The following CELA2B variants were observed in gnomAD, a reference collection of about 807,000 sequenced individuals.
CELA2B encodes the protein chymotrypsin like elastase 2B, also known as chymotrypsin-like elastase family member 2B.
In CELA2B, 27 loss-of-function variants were observed where a neutral mutation model predicts 36.5. That is an observed-to-expected ratio of 0.74 (90% CI 0.55 to 1.02). The LOEUF is 1.02. Among genes scored for constraint, CELA2B ranks in the 50% least tolerant of loss-of-function variants. The probability of loss-of-function intolerance (pLI) is 0.00; values close to 1 mark genes in which losing one functional copy is unlikely to be tolerated. For synonymous variants in CELA2B, 143 were observed against 148.5 expected (o/e 0.96, Z 0.27); for missense variants, 340 against 347.8 (o/e 0.98, Z 0.18).
chr1:15,478,471 G>C (rs575617969), intron 2 of CELA2B, among the ~76,000 whole-genome samples: 1 of 151,756 alleles, frequency 6.6e-6, no homozygotes, highest in Non-Finnish European at 1.5e-5. Context: ...TCTAACTCCC[G>C]ACCTCAGGTA....
At chr1:15,486,152 G>A in intron 6 of CELA2B, 106 bp downstream of exon 6, 4 of 1,409,720 alleles carry the variant, frequency 2.8e-6, no homozygotes, top group Non-Finnish European at 3.9e-6. Flanking sequence ...CGACCTCCTG[G>A]CAGAAGCACC....
chr1:15,483,232 T>G lies in CELA2B; in HGVS notation c.357-32T>G, dbSNP rs575781422. ...CCCATAGGGCAGGAAAAGTCAACCCTGTTCTCATGCTCCGCCTCCGCACTC... is the reference window on the plus strand; with the variant it reads ...CCCATAGGGCAGGAAAAGTCAACCCGGTTCTCATGCTCCGCCTCCGCACTC... On this transcript the variant is annotated intron_variant, in intron 4 of 7. Transcript: ENST00000375910. 7.1e-5 allele frequency: 114 copies of G among 1,612,584 alleles called. 1 individual carries two copies. In the South Asian group the frequency reaches 1.2e-3, roughly 17 times the overall value.
intron 2 of CELA2B, 126 bp from the exon 3 acceptor site, chr1:15,480,972 A>T: frequency 1.1e-6 from 1 of 938,944 alleles, no homozygotes; most frequent in Non-Finnish European, 1.7e-6. Flanking sequence ...GTGCCCCCTT[A>T]AGTTGTGTAC....
intron 1 of CELA2B, 129 bp downstream of exon 1, chr1:15,476,294 GA>G: frequency 6.9e-7 from 1 of 1,443,322 alleles, no homozygotes; most frequent in Non-Finnish European, 9.5e-7. Flanking sequence ...TAAGAAAACC[GA>G]AATGGAGTTT....
In CELA2B at chr1:15,486,015, C is replaced by A. The variant is rs200907848; in HGVS notation, c.608C>A (p.Ala203Asp). The A allele has an allele frequency of 1.9e-6, 3 of 1,613,974 alleles. No homozygotes were observed. Among genetic ancestry groups the A allele is most frequent in the African/African-American group, 1.3e-5 (1 of 74,906 alleles). ...GSTVKTNMIC[A>D]GGDGVICTCN... ...ACCGTGAAGACGAATATGATCTGTG[C>A]TGGGGGTGATGGCGTGATATGCACC... The change falls in exon 6 of 8, where the codon GCT becomes GAT. Residue 203 changes from alanine (A) to aspartate (D), a missense_variant. Physicochemically the swap from Ala to Asp is moderately radical, Grantham distance 126. Coordinates refer to ENST00000375910, the MANE Select transcript of CELA2B (RefSeq NM_015849.3).
intron 6 of CELA2B, 129 bp downstream of exon 6, chr1:15,486,175 C>T: frequency 1.7e-6 from 2 of 1,189,926 alleles, no homozygotes; most frequent in Non-Finnish European, 2.4e-6. Context: ...GAAATGGTAC[C>T]AGATATATCA....
chr1:15,487,149 T>G, intron 6 of CELA2B, 136 bp from the exon 7 acceptor site: 3 of 774,154 alleles, frequency 3.9e-6, no homozygotes, highest in Non-Finnish European at 6.5e-6. Context: ...TGGTACCACC[T>G]TGAGCTATGA....
intron 2 of CELA2B, among the ~76,000 whole-genome samples, chr1:15,480,556 C>T (rs558808798): frequency 1.4e-4 from 21 of 152,248 alleles, no homozygotes; most frequent in African/African-American, 4.8e-4. Context: ...GAAACACATC[C>T]TTCTTCACAC....
chr1:15,479,481 G>A (rs934083297), intron 2 of CELA2B, among the ~76,000 whole-genome samples: 5 of 152,198 alleles, frequency 3.3e-5, no homozygotes, highest in African/African-American at 1.2e-4. Context: ...GGGAGGCAGA[G>A]GTTGCAATGA....
At chr1:15,483,531 C>T (rs1216813988) in intron 5 of CELA2B, 131 bp downstream of exon 5, 3 of 1,420,302 alleles carry the variant, frequency 2.1e-6, no homozygotes, top group African/African-American at 2.8e-5. Flanking sequence ...ATGGCATAGG[C>T]TGATGTCTGC....
intron 5 of CELA2B, among the ~76,000 whole-genome samples, chr1:15,485,536 C>G (rs949708478): frequency 1.3e-5 from 2 of 152,252 alleles, no homozygotes; most frequent in Non-Finnish European, 2.9e-5. Flanking sequence ...TCAGGAAACA[C>G]TCACTGAGAA....
chr1:15,482,347 A>G lies in CELA2B; in HGVS notation c.310A>G (p.Lys104Glu). 1 of 1,613,994 alleles carries G rather than the reference A, an allele frequency of 6.2e-7. No individual in the cohort carries two copies. Among genetic ancestry groups the G allele is most frequent in the Non-Finnish European group, 8.5e-7 (1 of 1,179,988 alleles). ...ESGSLAVSVSKIVVHKDWNSD... is the reference protein window; with the variant it reads ...ESGSLAVSVSEIVVHKDWNSD... ...CGGCTCGCTGGCCGTCAGTGTCTCTAAGATTGTGGTGCACAAGGACTGGAA... is the reference window on the plus strand; with the variant it reads ...CGGCTCGCTGGCCGTCAGTGTCTCTGAGATTGTGGTGCACAAGGACTGGAA... The change falls in exon 4 of 8, where the codon AAG (lysine) becomes GAG (glutamate). Residue 104 changes from lysine to glutamate, a missense_variant. By Grantham distance (56) the Lys-to-Glu change is moderately conservative (BLOSUM62 1). Coordinates refer to ENST00000375910, the MANE Select transcript of CELA2B (RefSeq NM_015849.3).
At chr1:15,481,507 C>T (rs1708741585) in intron 3 of CELA2B, 1 of 544,414 alleles carries the variant, frequency 1.8e-6, no homozygotes. Context: ...CCTTGAACAA[C>T]TTAACTGACT....
chr1:15,481,263 A>G (rs1182713989), intron 3 of CELA2B, 68 bp downstream of exon 3: 14 of 1,577,098 alleles, frequency 8.9e-6, no homozygotes, highest in Non-Finnish European at 1.2e-5. Context: ...TGGGGGCTCA[A>G]ATGGCCTGAA....
chr1:15,489,870 T>C (rs78403992), intron 7 of CELA2B, among the ~76,000 whole-genome samples: 2 of 152,040 alleles, frequency 1.3e-5, no homozygotes, highest in Non-Finnish European at 2.9e-5. Flanking sequence ...GAGGTAATCA[T>C]TGTTTTTGTT....
Position 15,483,363 on chromosome 1 carries a change from C to T in CELA2B, c.456C>T (p.Asn152=). 6.2e-7 allele frequency: 1 copy of T among 1,614,188 alleles called. No individual in the cohort carries two copies. The highest frequency in any genetic ancestry group is 8.5e-7 in the Non-Finnish European group (1 of 1,180,008). The part of the protein sequence containing the change: ...LPPAGTILPN[N]YPCYVTGWGR... ...CTGCCGGCACCATTCTACCCAACAACTACCCCTGCTACGTCACGGGCTGGG... is the reference window on the plus strand; with the variant it reads ...CTGCCGGCACCATTCTACCCAACAATTACCCCTGCTACGTCACGGGCTGGG... The change falls in exon 5 of 8, where the codon AAC becomes AAT. Residue 152 remains asparagine, a synonymous_variant. Transcript: ENST00000375910.
chr1:15,489,883 G>T (rs1570814140), intron 7 of CELA2B, among the ~76,000 whole-genome samples: 4 of 151,528 alleles, frequency 2.6e-5, no homozygotes, highest in Middle Eastern at 3.4e-3. Context: ...TTTTTGTTTT[G>T]TTTTTTTTCA....
intron 4 of CELA2B, 115 bp downstream of exon 4, chr1:15,482,508 A>T: frequency 7.0e-7 from 1 of 1,431,874 alleles, no homozygotes; most frequent in Admixed American, 1.9e-5. Flanking sequence ...TATAGGGAAG[A>T]GAAAGGAGCT....
chr1:15,478,325 C>T (rs1213936214), intron 2 of CELA2B, among the ~76,000 whole-genome samples: 1 of 151,928 alleles, frequency 6.6e-6, no homozygotes, highest in African/African-American at 2.4e-5. Flanking sequence ...CTCACCACAA[C>T]TTCTGCCTCC....
Sources: gnomAD v4.1 joint callset for allele counts (sites outside exome capture counted in the v4.1 genomes callset) on GRCh38, gnomAD v4.1.1 for gene constraint, MANE v1.5 for transcripts, NCBI Gene and HGNC (gene_info 2026-07-23, HGNC 2026-07-21) for gene names.